Variants in ANKRD30A observed in about 807,000 individuals in gnomAD.
The protein encoded by ANKRD30A is ankyrin repeat domain-containing protein 30A.
In ANKRD30A, 170 loss-of-function variants were observed where a neutral mutation model predicts 166.3. The ratio of observed to expected loss-of-function variants is 1.02; its 90% CI spans 0.90 to 1.16. The LOEUF (loss-of-function observed/expected upper bound fraction) is 1.16. ANKRD30A is among the 50% of genes most tolerant of loss of function. The pLI is 0.00. For synonymous variants in ANKRD30A, 564 were observed against 508.9 expected (o/e 1.11, Z -1.46); for missense variants, 1,630 against 1,518.0 (o/e 1.07, Z -1.23).
the ANKRD30A span, among the ~76,000 whole-genome samples, chr10:37,252,502 C>T: frequency 1.1e-3 from 173 of 152,256 alleles, no homozygotes; most frequent in African/African-American, 3.9e-3. Flanking sequence ...AAACTATTTC[C>T]GACCTATAGC....
At chr10:37,166,004 C>T (rs927918345) in intron 18 of ANKRD30A, among the ~76,000 whole-genome samples, 4 of 152,100 alleles carry the variant, frequency 2.6e-5, no homozygotes, top group Admixed American at 2.6e-4. Context: ...TTTCTTACTG[C>T]ATTTACATTC....
At chr10:37,257,658 C>A in the ANKRD30A span, among the ~76,000 whole-genome samples, 5 of 151,934 alleles carry the variant, frequency 3.3e-5, no homozygotes, top group Admixed American at 3.3e-4. Flanking sequence ...CATTATTTAC[C>A]CAGTAGTAAT....
the ANKRD30A span, chr10:37,241,418 A>G: frequency 6.6e-6 from 1 of 151,800 alleles, no homozygotes; most frequent in Non-Finnish European, 1.5e-5. Flanking sequence ...TTTTTATATC[A>G]TATATGTCTG....
the ANKRD30A span, chr10:37,241,862 T>C: frequency 6.6e-6 from 1 of 152,174 alleles, no homozygotes; most frequent in African/African-American, 2.4e-5. Context: ...AAGAAAAGTT[T>C]CAAGCTTTAC....
At chr10:37,165,352 C>T (rs1403719876) in intron 18 of ANKRD30A, among the ~76,000 whole-genome samples, 197 bp downstream of exon 18, 7 of 152,202 alleles carry the variant, frequency 4.6e-5, no homozygotes, top group Middle Eastern at 3.4e-3. Context: ...GGAATTTGTA[C>T]GATTAATTTA....
At chr10:37,128,759 A>T (rs1836205688) in intron 1 of ANKRD30A, among the ~76,000 whole-genome samples, 1 of 152,080 alleles carries the variant, frequency 6.6e-6, no homozygotes, top group Admixed American at 6.5e-5. Flanking sequence ...GAGCAAAGTG[A>T]GAGATTTAAA....
intron 21 of ANKRD30A, among the ~76,000 whole-genome samples, chr10:37,172,636 GAGA>G (rs1230078989): frequency 7.5e-6 from 1 of 133,014 alleles, no homozygotes; most frequent in Non-Finnish European, 1.6e-5. Context: ...TGGAGACTCT[GAGA>G]AGAACAGTTG....
intron 31 of ANKRD30A, 122 bp from the exon 32 acceptor site, chr10:37,216,059 G>A: frequency 2.0e-6 from 1 of 491,342 alleles, no homozygotes; most frequent in Middle Eastern, 6.5e-4. Context: ...TTAGTATAAT[G>A]CCTTCCACGT....
At chr10:37,177,982 A>C (rs1241049579) in intron 24 of ANKRD30A, among the ~76,000 whole-genome samples, 1 of 150,426 alleles carries the variant, frequency 6.6e-6, no homozygotes, top group Non-Finnish European at 1.5e-5. Context: ...AAGATATTCC[A>C]AGACGTGAGG....
intron 31 of ANKRD30A, among the ~76,000 whole-genome samples, chr10:37,214,415 T>C (rs1842498683): frequency 6.6e-6 from 1 of 151,268 alleles, no homozygotes; most frequent in Non-Finnish European, 1.5e-5. Flanking sequence ...ATTATTGATA[T>C]GATAAAAGTT....
intron 34 of ANKRD30A, 68 bp downstream of exon 34, chr10:37,219,965 T>A: frequency 8.8e-7 from 1 of 1,135,292 alleles, no homozygotes; most frequent in Non-Finnish European, 1.1e-6. Flanking sequence ...TATTTGGCCT[T>A]GGCTAAATGC....
At chr10:37,198,882 A>G (rs1200167952) in intron 29 of ANKRD30A, among the ~76,000 whole-genome samples, 1 of 152,068 alleles carries the variant, frequency 6.6e-6, no homozygotes, top group East Asian at 1.9e-4. Flanking sequence ...TGTAATTTGT[A>G]CTTTGTGCTG....
At position 37,145,010 on chromosome 10, in the gene ANKRD30A, C is replaced by G; in HGVS notation, c.1409C>G (p.Ser470Ter). 1.2e-6 allele frequency: 2 copies of G among 1,601,190 alleles called. No individual in the cohort carries two copies. The highest frequency in any genetic ancestry group is 1.7e-6 in the Non-Finnish European group (2 of 1,173,582). Residue 470 changes from serine to a stop codon, truncating the protein, a stop_gained, in exon 8 of 36, where the codon TCA becomes TGA. Transcript: ENST00000361713. LOFTEE classifies it high-confidence loss of function. ...CTTTTTATAGATCAGAGGTTCCCAT[C>G]AGAATCCAAACAAGAGGAAGATGAA... is the stretch of plus-strand genomic sequence containing the variant. Reference protein sequence around the residue: ...KASANDQRFPSESKQEEDEEY... With the variant: ...KASANDQRFP
intron 7 of ANKRD30A, among the ~76,000 whole-genome samples, chr10:37,143,998 A>G (rs1837336731): frequency 6.6e-6 from 1 of 151,860 alleles, no homozygotes; most frequent in African/African-American, 2.4e-5. Flanking sequence ...AAAAAGAGTC[A>G]AGTTCAGAAG....
chr10:37,210,005 G>T (rs1364810215), intron 31 of ANKRD30A, among the ~76,000 whole-genome samples: 1 of 152,042 alleles, frequency 6.6e-6, no homozygotes, highest in African/African-American at 2.4e-5. Flanking sequence ...GGTTACATGT[G>T]CAGAACATGT....
intron 21 of ANKRD30A, among the ~76,000 whole-genome samples, chr10:37,171,614 A>G (rs1299483924): frequency 1.3e-5 from 2 of 151,794 alleles, no homozygotes; most frequent in Admixed American, 6.6e-5. Context: ...TCAAAAATGC[A>G]TAAGGTTTTA....
Position 37,136,672 on chromosome 10 carries a change from G to C in ANKRD30A, c.820+1G>C, listed in dbSNP as rs1836702858. 7.1e-7 allele frequency: 1 copy of C among 1,415,240 alleles called. No individual in the cohort carries two copies. Among genetic ancestry groups the C allele is most frequent in the Non-Finnish European group, 9.7e-7 (1 of 1,029,434 alleles). The allele number at this position is 1,415,240 out of a possible 1,614,324, so 87.7% of individuals were successfully genotyped here. ...AAAAATCATCAAAATACCAATCCAG[G>C]TAAGACTTCTGATAGTAAACTACCC... On this transcript the variant is annotated splice_donor_variant, in intron 6 of 35. Transcript: ENST00000361713. LOFTEE classifies it high-confidence loss of function.
the ANKRD30A span, among the ~76,000 whole-genome samples, chr10:37,260,891 A>C: frequency 5.9e-5 from 9 of 152,188 alleles, no homozygotes; most frequent in African/African-American, 2.2e-4. Context: ...ACACTGGGGA[A>C]CATGAGAAGG....
the ANKRD30A span, chr10:37,248,137 CT>C: frequency 1.1e-5 from 7 of 616,882 alleles, no homozygotes; most frequent in Admixed American, 1.1e-4. Context: ...GCTATGCCTC[CT>C]TTCACTCTGG....
Sources: gnomAD v4.1 joint callset for allele counts (sites outside exome capture counted in the v4.1 genomes callset) on GRCh38, gnomAD v4.1.1 for gene constraint, MANE v1.5 for transcripts, NCBI Gene and HGNC (gene_info 2026-07-23, HGNC 2026-07-21) for gene names.